TOX2: variants seen among roughly 807,000 people sequenced by gnomAD.
TOX2 encodes granulosa cell HMG box 1.
Under a neutral mutation model 47.4 loss-of-function variants are expected in TOX2, and 15 were observed. The ratio of observed to expected loss-of-function variants is 0.32; its 90% CI spans 0.21 to 0.49. The LOEUF (loss-of-function observed/expected upper bound fraction) is 0.49. Among genes scored for constraint, TOX2 ranks in the 20% least tolerant of loss-of-function variants. TOX2 has a pLI of 0.99. For synonymous variants in TOX2, 290 were observed against 296.6 expected, an observed-to-expected ratio of 0.98 and a Z score of 0.23; for missense variants, 622 against 673.1, an observed-to-expected ratio of 0.92 and a Z score of 0.84.
At chr20:43,955,693 G>GTTAT (rs1396674026) in intron 1 of TOX2, among the ~76,000 whole-genome samples, 20 of 152,236 alleles carry the variant, frequency 1.3e-4, no homozygotes, top group South Asian at 1.0e-3. Flanking sequence ...AACATGCTGG[G>GTTAT]GCTGTCATGG....
At chr20:44,009,477 C>G (rs971908371) in intron 3 of TOX2, among the ~76,000 whole-genome samples, 1 of 152,192 alleles carries the variant, frequency 6.6e-6, no homozygotes, top group Non-Finnish European at 1.5e-5. Context: ...TAATGCAAGT[C>G]CTCAGCTTCC....
chr20:44,065,818 T>G lies in TOX2; in HGVS notation c.1067T>G (p.Leu356Arg), dbSNP rs1188562405. 1 of 1,613,886 alleles carries G rather than the reference T, an allele frequency of 6.2e-7. No homozygotes were observed. Among genetic ancestry groups the G allele is most frequent in the Middle Eastern group, 1.7e-4 (1 of 6,060 alleles). Residue 356 changes from leucine (L) to arginine (R), a missense_variant, in exon 7 of 9, where the codon CTG becomes CGG. Transcript: ENST00000341197. ...GCCATGCCAGGCCTGGCCTCCTTCCTGACGCCGTCGGACCTGCAGGCCTTC... is the reference window on the plus strand; with the variant it reads ...GCCATGCCAGGCCTGGCCTCCTTCCGGACGCCGTCGGACCTGCAGGCCTTC... ...MYAMPGLASF[L>R]TPSDLQAFRS...
intron 1 of TOX2, among the ~76,000 whole-genome samples, chr20:43,970,032 C>CTCTAACACACTTT (rs1247214576): frequency 6.6e-6 from 1 of 152,166 alleles, no homozygotes; most frequent in Non-Finnish European, 1.5e-5. Context: ...TCTCCTGAAC[C>CTCTAACACACTTT]TCTAACACAC....
At chr20:44,037,166 C>G (rs1421055773) in intron 3 of TOX2, among the ~76,000 whole-genome samples, 1 of 152,186 alleles carries the variant, frequency 6.6e-6, no homozygotes. Context: ...GTTGGTCAGG[C>G]TGGTCTTGAA....
chr20:44,041,939 C>A (rs1008464901), intron 3 of TOX2, among the ~76,000 whole-genome samples: 3 of 152,182 alleles, frequency 2.0e-5, no homozygotes, highest in African/African-American at 7.2e-5. Context: ...TAATAAACTT[C>A]AATTATACGG....
intron 3 of TOX2, among the ~76,000 whole-genome samples, chr20:44,034,884 A>G (rs1457178441): frequency 6.6e-6 from 1 of 152,216 alleles, no homozygotes; most frequent in African/African-American, 2.4e-5. Context: ...AAAACTTAAC[A>G]CATGTCTGCC....
chr20:43,987,515 T>A (rs192215965), intron 2 of TOX2, among the ~76,000 whole-genome samples: 203 of 152,340 alleles, frequency 1.3e-3, no homozygotes, highest in African/African-American at 4.7e-3. Context: ...TTCTGTTGTA[T>A]TCTATGCTTC....
intron 3 of TOX2, among the ~76,000 whole-genome samples, chr20:44,030,648 C>G (rs991528533): frequency 1.3e-5 from 2 of 152,194 alleles, no homozygotes; most frequent in African/African-American, 4.8e-5. Flanking sequence ...CGGCCCTCAC[C>G]ACCACTGTGA....
chr20:43,938,671 C>G (rs2069361654), intron 1 of TOX2, among the ~76,000 whole-genome samples: 1 of 152,230 alleles, frequency 6.6e-6, no homozygotes, highest in South Asian at 2.1e-4. Flanking sequence ...GGATTCACAG[C>G]TAGTATTTGA....
At chr20:43,953,625 C>T (rs1274895863) in intron 1 of TOX2, among the ~76,000 whole-genome samples, 1 of 152,146 alleles carries the variant, frequency 6.6e-6, no homozygotes, top group East Asian at 1.9e-4. Flanking sequence ...AGGGCCCTGG[C>T]ATGCCCCAGG....
At chr20:43,962,768 T>A (rs2069784786) in intron 1 of TOX2, among the ~76,000 whole-genome samples, 1 of 152,138 alleles carries the variant, frequency 6.6e-6, no homozygotes, top group South Asian at 2.1e-4. Flanking sequence ...CAGGAGCAGA[T>A]AATGACTAGG....
intron 3 of TOX2, among the ~76,000 whole-genome samples, chr20:44,014,381 G>A (rs1311341414): frequency 6.6e-6 from 1 of 152,148 alleles, no homozygotes; most frequent in Admixed American, 6.5e-5. Flanking sequence ...TGGTAGAGTC[G>A]CATCATATGA....
At chr20:43,978,175 T>A (rs371332614) in intron 2 of TOX2, among the ~76,000 whole-genome samples, 1 of 152,188 alleles carries the variant, frequency 6.6e-6, no homozygotes, top group African/African-American at 2.4e-5. Flanking sequence ...AGCTACTCTT[T>A]CTTTGGAAAA....
chr20:43,995,754 C>T (rs867804245), intron 2 of TOX2, among the ~76,000 whole-genome samples: 1 of 152,164 alleles, frequency 6.6e-6, no homozygotes, highest in Non-Finnish European at 1.5e-5. Context: ...TGAGTGAGAA[C>T]ATGTGGTATT....
intron 3 of TOX2, among the ~76,000 whole-genome samples, chr20:44,040,113 C>T (rs1227380868): frequency 6.6e-6 from 1 of 152,182 alleles, no homozygotes; most frequent in Non-Finnish European, 1.5e-5. Context: ...GGCAGGGTCT[C>T]ACCACTTCTG....
chr20:43,973,328 T>G, intron 1 of TOX2, 39 bp from the exon 2 acceptor site: 1 of 1,606,842 alleles, frequency 6.2e-7, no homozygotes, highest in Middle Eastern at 1.7e-4. Flanking sequence ...CCTGAGAGCA[T>G]TTTAATCAGA....
chr20:44,048,312 G>T (rs1035726506), intron 3 of TOX2, among the ~76,000 whole-genome samples: 5 of 148,874 alleles, frequency 3.4e-5, no homozygotes, highest in African/African-American at 1.2e-4. Flanking sequence ...GGGAACTGAT[G>T]AAAACCACAG....
In TOX2 at chr20:44,053,609, C is replaced by CATAT. The variant is rs72355643; in HGVS notation, c.652-688_652-685dup. On this transcript the variant is annotated intron_variant, in intron 4 of 8. Transcript: ENST00000341197. ...CTATATATACACACACATATATATA[C>CATAT]ATATACACACACACACACACGTATA... Among the ~76,000 whole-genome samples the CATAT allele has an allele frequency of 6.8e-4, 100 of 147,948 alleles. 2 individuals carry two copies. Among genetic ancestry groups the CATAT allele is most frequent in the Non-Finnish European group, 3.7e-4 (25 of 67,322 alleles).
chr20:43,961,639 A>T (rs1019069572), intron 1 of TOX2, among the ~76,000 whole-genome samples: 2 of 152,102 alleles, frequency 1.3e-5, no homozygotes, highest in Non-Finnish European at 2.9e-5. Flanking sequence ...AGCAGGGACG[A>T]GCCCACAGGC....
Sources: gnomAD v4.1 joint callset for allele counts (sites outside exome capture counted in the v4.1 genomes callset) on GRCh38, gnomAD v4.1.1 for gene constraint, MANE v1.5 for transcripts, NCBI Gene and HGNC (gene_info 2026-07-23, HGNC 2026-07-21) for gene names.